Variants in HSF5 observed in about 807,000 individuals in gnomAD.
The protein encoded by HSF5 is heat shock factor protein 5.
HSF5 carries 5 observed loss-of-function variants against 50.8 expected under a neutral mutation model. That is an observed-to-expected ratio of 0.10 (90% CI 0.05 to 0.21). The LOEUF (loss-of-function observed/expected upper bound fraction) is 0.21, where lower values mean the gene tolerates loss of function less well. HSF5 is among the 10% of genes least tolerant of loss of function. HSF5 has a pLI of 1.00. For synonymous variants in HSF5, 307 were observed against 307.4 expected, an observed-to-expected ratio of 1.00 and a Z score of 0.02; for missense variants, 564 against 762.6, an observed-to-expected ratio of 0.74 and a Z score of 3.07.
chr17:58,467,935 T>G (rs1974890773), intron 2 of HSF5, among the ~76,000 whole-genome samples: 1 of 152,228 alleles, frequency 6.6e-6, no homozygotes, highest in South Asian at 2.1e-4. Context: ...CAGAGGATGA[T>G]GTACATTGAA....
chr17:58,469,852 T>C (rs1974921503), intron 2 of HSF5, among the ~76,000 whole-genome samples: 1 of 152,150 alleles, frequency 6.6e-6, no homozygotes, highest in Admixed American at 6.5e-5. Flanking sequence ...TAGGCATTAA[T>C]GACATTTTCA....
intron 5 of HSF5, among the ~76,000 whole-genome samples, chr17:58,438,986 G>C (rs1264448948): frequency 6.6e-6 from 1 of 151,980 alleles, no homozygotes; most frequent in East Asian, 1.9e-4. Context: ...AGGTGTGGTG[G>C]CATGTGCCTG....
chr17:58,460,904 C>T (rs535810963), intron 4 of HSF5, among the ~76,000 whole-genome samples: 35 of 150,982 alleles, frequency 2.3e-4, no homozygotes, highest in Non-Finnish European at 3.8e-4. Context: ...AAGACAAATT[C>T]TGTGTTCTAC....
At chr17:58,479,363 A>G (rs923512145) in intron 2 of HSF5, among the ~76,000 whole-genome samples, 17 of 151,914 alleles carry the variant, frequency 1.1e-4, no homozygotes, top group African/African-American at 4.1e-4. Flanking sequence ...AATGCTGTGG[A>G]GTGATCTCTG....
chr17:58,458,945 C>T lies in HSF5; in HGVS notation c.1543G>A (p.Val515Met), dbSNP rs368905603. 6.2e-7 allele frequency: 1 copy of T among 1,607,276 alleles called. No individual in the cohort carries two copies. The highest frequency in any genetic ancestry group is 1.1e-5 in the South Asian group (1 of 89,448). Reference protein sequence around the residue: ...QEGPPFSTHQVDANIKCQTSS... With the variant: ...QEGPPFSTHQMDANIKCQTSS... ...GTCTGGCATTTTATGTTGGCATCCA[C>T]CTAAAATATTAAACCCATTCATTAT... Residue 515 changes from valine to methionine, a missense_variant and splice_region_variant, in exon 5 of 6, where the codon GTG (valine) becomes ATG (methionine). Transcript: ENST00000323777.
At chr17:58,441,765 G>A (rs987901456) in intron 5 of HSF5, among the ~76,000 whole-genome samples, 1 of 152,196 alleles carries the variant, frequency 6.6e-6, no homozygotes, top group African/African-American at 2.4e-5. Context: ...TTCACTGATG[G>A]GCTAACCAAG....
chr17:58,461,300 A>G (rs1487634352), intron 4 of HSF5, among the ~76,000 whole-genome samples: 1 of 151,922 alleles, frequency 6.6e-6, no homozygotes, highest in African/African-American at 2.4e-5. Flanking sequence ...TGAATTTACA[A>G]TATTATCTTA....
At chr17:58,437,030 T>C (rs1974436566) in intron 5 of HSF5, among the ~76,000 whole-genome samples, 1 of 152,160 alleles carries the variant, frequency 6.6e-6, no homozygotes, top group South Asian at 2.1e-4. Flanking sequence ...GACATCTTCA[T>C]AAAAGTGTGC....
At chr17:58,459,063 G>T in intron 4 of HSF5, 118 bp from the exon 5 acceptor site, 1 of 859,404 alleles carries the variant, frequency 1.2e-6, no homozygotes, top group Non-Finnish European at 1.8e-6. Flanking sequence ...AGCTTATAAG[G>T]CTTTTCATTC....
chr17:58,458,975 G>T (rs774564188), intron 4 of HSF5, 30 bp from the exon 5 acceptor site: 26 of 1,564,688 alleles, frequency 1.7e-5, no homozygotes, highest in Non-Finnish European at 2.3e-5. Context: ...CATTATTTGA[G>T]ATTTCCTCCA....
Position 58,458,802 on chromosome 17 carries a change from C to T in HSF5, c.1686G>A (p.Glu562=), listed in dbSNP as rs769771504. The change falls in exon 5 of 6, where the codon GAG becomes GAA. Residue 562 remains glutamate, a synonymous_variant. Transcript: ENST00000323777. The part of the protein sequence containing the change: ...TGLATPARYR[E]HRSNSQQGKS... ...TTCCTTGTTGTGAGTTGCTTCTGTG[C>T]TCTCTGTATCTGGCTGGAGTGGCTA... 6.2e-7 allele frequency: 1 copy of T among 1,613,602 alleles called. No individual in the cohort carries two copies. Among genetic ancestry groups the T allele is most frequent in the East Asian group, 2.2e-5 (1 of 44,870 alleles).
At chr17:58,454,516 A>G (rs1178269961) in intron 5 of HSF5, among the ~76,000 whole-genome samples, 1 of 152,222 alleles carries the variant, frequency 6.6e-6, no homozygotes, top group Non-Finnish European at 1.5e-5. Flanking sequence ...AATAAATGGC[A>G]TCCAAATTGG....
chr17:58,431,919 C>T (rs1974369771), intron 5 of HSF5, among the ~76,000 whole-genome samples: 1 of 152,078 alleles, frequency 6.6e-6, no homozygotes, highest in African/African-American at 2.4e-5. Flanking sequence ...TGGTGGCTAC[C>T]AGCATTCAGG....
chr17:58,466,160 C>G (rs1211554214), intron 3 of HSF5, among the ~76,000 whole-genome samples: 3 of 152,034 alleles, frequency 2.0e-5, no homozygotes, highest in African/African-American at 7.3e-5. Flanking sequence ...CTGAAAAAAT[C>G]CAAAATCTGA....
chr17:58,482,291 C>T (rs1975108393), intron 1 of HSF5, among the ~76,000 whole-genome samples: 1 of 151,942 alleles, frequency 6.6e-6, no homozygotes, highest in African/African-American at 2.4e-5. Context: ...TTCCTTTATT[C>T]CTTTAAAGTA....
intron 3 of HSF5, among the ~76,000 whole-genome samples, chr17:58,463,792 G>A (rs972921939): frequency 6.6e-6 from 1 of 152,194 alleles, no homozygotes; most frequent in African/African-American, 2.4e-5. Flanking sequence ...GGGAAAAATG[G>A]ATGGAATATC....
chr17:58,480,108 A>G lies in HSF5; in HGVS notation c.710T>C (p.Met237Thr). ...AGATGTCTCCACTTGTCCAGGATGC[A>G]TTCCAAGGGAGTTCTGCCATATTCT... ...PHRIWQNSLGMHPGQVETSPT... is the reference protein window; with the variant it reads ...PHRIWQNSLGTHPGQVETSPT... Residue 237 changes from methionine to threonine, a missense_variant, in exon 2 of 6, where the codon ATG becomes ACG. By Grantham distance (81) the Met-to-Thr change is moderately conservative. Transcript: ENST00000323777. 6.2e-7 allele frequency: 1 copy of G among 1,614,162 alleles called. No individual in the cohort carries two copies. The highest frequency in any genetic ancestry group is 8.5e-7 in the Non-Finnish European group (1 of 1,180,002).
intron 5 of HSF5, among the ~76,000 whole-genome samples, chr17:58,446,102 A>C (rs1459278909): frequency 4.8e-5 from 7 of 145,854 alleles, no homozygotes; most frequent in African/African-American, 1.0e-4. Context: ...GCGCCACTGC[A>C]CTCCAGCCTG....
At chr17:58,468,556 A>G (rs1007223121) in intron 2 of HSF5, among the ~76,000 whole-genome samples, 9 of 152,214 alleles carry the variant, frequency 5.9e-5, no homozygotes, top group African/African-American at 2.2e-4. Flanking sequence ...TTATGTCCAC[A>G]TTTTTCATAT....
Sources: gnomAD v4.1 joint callset for allele counts (sites outside exome capture counted in the v4.1 genomes callset) on GRCh38, gnomAD v4.1.1 for gene constraint, MANE v1.5 for transcripts, NCBI Gene and HGNC (gene_info 2026-07-23, HGNC 2026-07-21) for gene names.